TSPAN7: variants seen among roughly 807,000 people sequenced by gnomAD.
TSPAN7 encodes tetraspanin-7.
Under a neutral mutation model 17.6 loss-of-function variants are expected in TSPAN7, and 1 was observed. The ratio of observed to expected loss-of-function variants is 0.06; its 90% CI spans 0.02 to 0.27. The LOEUF is 0.27. Among genes scored for constraint, TSPAN7 ranks in the 10% least tolerant of loss-of-function variants. TSPAN7 has a pLI of 1.00. For missense variants in TSPAN7, 112 were observed against 201.7 expected (o/e 0.56, Z 2.69); for synonymous variants, 78 against 79.0 (o/e 0.99, Z 0.07).
chrX:38,619,358 G>A (rs1049329183), intron 1 of TSPAN7, among the ~76,000 whole-genome samples: 3 of 111,712 alleles, frequency 2.7e-5, no homozygotes, highest in Non-Finnish European at 5.6e-5. Flanking sequence ...CTTTGCAGGT[G>A]ATATTGTTCA....
chrX:38,684,826 C>A (rs2069916832), intron 6 of TSPAN7, among the ~76,000 whole-genome samples: 1 of 111,072 alleles, frequency 9.0e-6, no homozygotes, highest in African/African-American at 3.3e-5. Flanking sequence ...TGAAGTTGGG[C>A]AGCTACTATA....
rs186361575 is a variant in TSPAN7 at position 38,611,410 on chromosome X, C to T, written c.81+49783C>T. ...AGTTTGTTCAAACAAGACTAAGTCA[C>T]GTTGGGGAAATGGTGAGAACAATCT... On this transcript the variant is annotated intron_variant, in intron 1 of 7. Transcript: ENST00000378482. Among the ~76,000 whole-genome samples the T allele has an allele frequency of 1.3e-3, 151 of 112,283 alleles. 1 individual carries two copies. The highest frequency in any genetic ancestry group is 2.1e-3 in the Non-Finnish European group (111 of 53,253).
chrX:38,643,708 G>T (rs2069628203), intron 1 of TSPAN7, among the ~76,000 whole-genome samples: 1 of 107,829 alleles, frequency 9.3e-6, no homozygotes, highest in Non-Finnish European at 1.9e-5. Flanking sequence ...AGCCAGATGT[G>T]GTGGCGGGTG....
intron 1 of TSPAN7, among the ~76,000 whole-genome samples, chrX:38,572,785 C>A (rs1315470719): frequency 1.8e-5 from 2 of 111,964 alleles, no homozygotes; most frequent in Non-Finnish European, 3.8e-5. Flanking sequence ...ACATCCCCAT[C>A]TCTATTTGAG....
chrX:38,637,897 T>C (rs1234717591), intron 1 of TSPAN7, among the ~76,000 whole-genome samples: 2 of 111,896 alleles, frequency 1.8e-5, no homozygotes, highest in African/African-American at 6.5e-5. Flanking sequence ...GAAGGATGTG[T>C]CAATATTAGT....
chrX:38,624,083 C>G (rs774756804), intron 1 of TSPAN7, among the ~76,000 whole-genome samples: 1 of 110,715 alleles, frequency 9.0e-6, no homozygotes, highest in South Asian at 4.0e-4. Context: ...ACTCTGAGAG[C>G]TTTTGAGTGT....
intron 1 of TSPAN7, among the ~76,000 whole-genome samples, chrX:38,639,916 ATTC>A (rs1179646655): frequency 9.0e-6 from 1 of 111,560 alleles, no homozygotes. Context: ...ATTTACCAGA[ATTC>A]TTCTAGATTT....
chrX:38,562,750 T>C (rs2069120453), intron 1 of TSPAN7, among the ~76,000 whole-genome samples: 1 of 111,313 alleles, frequency 9.0e-6, no homozygotes, highest in Admixed American at 9.4e-5. Flanking sequence ...CTTCCCTAGT[T>C]CCTTACGCCC....
At chrX:38,664,775 G>A (rs1402787804) in intron 1 of TSPAN7, among the ~76,000 whole-genome samples, 1 of 111,591 alleles carries the variant, frequency 9.0e-6, no homozygotes, top group Non-Finnish European at 1.9e-5. Flanking sequence ...TGCCAGGGTG[G>A]GGAAGTGTCA....
chrX:38,632,592 G>C (rs1216300900), intron 1 of TSPAN7, among the ~76,000 whole-genome samples: 12 of 112,415 alleles, frequency 1.1e-4, no homozygotes, highest in Non-Finnish European at 2.3e-4. Context: ...AATTAATCTT[G>C]GAAAAAGTTG....
chrX:38,565,572 A>C (rs1478645110), intron 1 of TSPAN7, among the ~76,000 whole-genome samples: 1 of 112,326 alleles, frequency 8.9e-6, no homozygotes, highest in African/African-American at 3.2e-5. Context: ...AAGATTAGAC[A>C]GAATTATTTC....
intron 1 of TSPAN7, chrX:38,563,148 TC>T (rs775895455): frequency 2.1e-6 from 2 of 958,656 alleles, no homozygotes; most frequent in South Asian, 4.2e-5. Flanking sequence ...AGGTATGGAC[TC>T]CCCAGACCAC....
At chrX:38,593,493 A>G (rs2069303508) in intron 1 of TSPAN7, among the ~76,000 whole-genome samples, 1 of 111,511 alleles carries the variant, frequency 9.0e-6, no homozygotes, top group African/African-American at 3.3e-5. Flanking sequence ...ACACACGTCT[A>G]TATTTATCTG....
chrX:38,683,395 A>G (rs779293758), intron 6 of TSPAN7, among the ~76,000 whole-genome samples: 1 of 113,104 alleles, frequency 8.8e-6, no homozygotes, highest in African/African-American at 3.2e-5. Flanking sequence ...ATTGTTGAAT[A>G]TGCACTGTGA....
At chrX:38,653,193 G>A (rs17320991) in intron 1 of TSPAN7, among the ~76,000 whole-genome samples, 7,385 of 111,559 alleles carry the variant, frequency 0.066, 273 homozygotes, top group East Asian at 0.24. Flanking sequence ...GTGATGAAGC[G>A]TATAAGGAGC....
rs191611846 is a variant in TSPAN7, at chrX:38,585,705, C to T, written c.81+24078C>T. ...GATGTAGTGGGAGGTGTTTCGATCA[C>T]GGAGGCAGATCCCTCATTAATGGCT... On this transcript the variant is annotated intron_variant, in intron 1 of 7. Transcript: ENST00000378482. 1.0e-3 allele frequency among the ~76,000 whole-genome samples: 116 copies of T among 111,240 alleles called. 1 individual carries two copies. The highest frequency in any genetic ancestry group is 3.6e-3 in the African/African-American group (110 of 30,200).
At position 38,588,751 on chromosome X, in the gene TSPAN7, C is replaced by T. The variant is rs145189027; in HGVS notation, c.81+27124C>T. 9.6e-3 allele frequency among the ~76,000 whole-genome samples: 1,071 copies of T among 111,666 alleles called. 11 individuals are homozygous for T. Among genetic ancestry groups the T allele is most frequent in the South Asian group, 0.054 (142 of 2,634 alleles). On this transcript the variant is annotated intron_variant, in intron 1 of 7. Transcript: ENST00000378482. ...TTTGTTTGGATGTTCATCCTCTGTC[C>T]CTTCTTCCTTAGCCTCTTAGCCCAA... is the stretch of plus-strand genomic sequence containing the variant.
intron 1 of TSPAN7, among the ~76,000 whole-genome samples, chrX:38,576,813 CAT>C (rs1296184375): frequency 8.9e-6 from 1 of 111,944 alleles, no homozygotes; most frequent in Non-Finnish European, 1.9e-5. Context: ...GGTAAGTAGA[CAT>C]AAGCCTTATT....
intron 1 of TSPAN7, among the ~76,000 whole-genome samples, chrX:38,585,553 AT>A (rs1237195823): frequency 2.7e-5 from 3 of 112,008 alleles, no homozygotes; most frequent in Non-Finnish European, 5.6e-5. Context: ...TATGTATAAA[AT>A]ATTTGTATAC....
Sources: gnomAD v4.1 joint callset for allele counts (sites outside exome capture counted in the v4.1 genomes callset) on GRCh38, gnomAD v4.1.1 for gene constraint, MANE v1.5 for transcripts, NCBI Gene and HGNC (gene_info 2026-07-23, HGNC 2026-07-21) for gene names.